The following NLK variants were observed in gnomAD, a reference collection of about 807,000 sequenced individuals.
The protein encoded by NLK is serine/threonine-protein kinase NLK.
A neutral mutation model predicts 59.0 loss-of-function variants in NLK; 11 were observed. That is an observed-to-expected ratio of 0.19 (90% CI 0.12 to 0.31). The LOEUF is 0.31. Ranked by LOEUF, NLK falls within the 10% of genes least tolerant of loss-of-function variation. The pLI, the probability that NLK is intolerant of heterozygous loss-of-function variation, is 1.00. For synonymous variants in NLK, 235 were observed against 235.9 expected (o/e 1.00, Z 0.03); for missense variants, 410 against 661.1 (o/e 0.62, Z 4.16).
At chr17:28,156,107 A>T (rs906009526) in intron 3 of NLK, among the ~76,000 whole-genome samples, 2 of 152,102 alleles carry the variant, frequency 1.3e-5, no homozygotes, top group Non-Finnish European at 2.9e-5. Context: ...TATTAAGGAA[A>T]TTTTCAAAAT....
At chr17:28,053,956 C>T (rs560328186) in intron 1 of NLK, among the ~76,000 whole-genome samples, 24 of 152,204 alleles carry the variant, frequency 1.6e-4, no homozygotes, top group Non-Finnish European at 2.8e-4. Context: ...CATTGCACAT[C>T]TAAATTAACA....
intron 7 of NLK, among the ~76,000 whole-genome samples, chr17:28,173,194 C>A (rs1175472853): frequency 6.6e-6 from 1 of 152,196 alleles, no homozygotes; most frequent in Non-Finnish European, 1.5e-5. Flanking sequence ...ACAGTTTTTA[C>A]AAGCACTTCC....
chr17:28,110,237 A>C (rs370743440), intron 1 of NLK, among the ~76,000 whole-genome samples: 2 of 152,226 alleles, frequency 1.3e-5, no homozygotes, highest in South Asian at 4.1e-4. Flanking sequence ...ATATCTTGGA[A>C]TATTTTCATT....
In NLK at chr17:28,195,471, T is replaced by A. The variant is rs1181242687; in HGVS notation, c.*835T>A. The A allele has an allele frequency of 6.6e-6, 1 of 152,488 alleles. No homozygotes were observed. The highest frequency in any genetic ancestry group is 2.4e-5 in the African/African-American group (1 of 41,418). The allele number at this position is 152,488 out of a possible 1,614,324, so 9.4% of individuals were successfully genotyped here. ...CAATATTGCTGTATAGAAAGAGAAC[T>A]AGCTTGCACATTTTAGGTCTGTGAA... On this transcript the variant is annotated 3_prime_UTR_variant, in exon 11 of 11. Coordinates refer to ENST00000407008, the MANE Select transcript of NLK (RefSeq NM_016231.5).
intron 8 of NLK, 51 bp from the exon 9 acceptor site, chr17:28,190,970 A>G: frequency 7.8e-7 from 1 of 1,289,964 alleles, no homozygotes; most frequent in East Asian, 2.3e-5. Flanking sequence ...TCCTATGTGG[A>G]CAGTCATTTT....
intron 1 of NLK, among the ~76,000 whole-genome samples, chr17:28,117,729 G>T (rs1221835082): frequency 6.6e-6 from 1 of 152,098 alleles, no homozygotes; most frequent in Non-Finnish European, 1.5e-5. Flanking sequence ...TGACAAAATG[G>T]AAAAGGATCT....
intron 3 of NLK, among the ~76,000 whole-genome samples, chr17:28,138,830 C>G (rs186203465): frequency 6.6e-6 from 1 of 152,206 alleles, no homozygotes; most frequent in Admixed American, 6.5e-5. Context: ...AGAACAGTAC[C>G]TGACATAAAG....
intron 1 of NLK, among the ~76,000 whole-genome samples, chr17:28,087,510 G>T (rs150484980): frequency 6.6e-6 from 1 of 152,078 alleles, no homozygotes; most frequent in African/African-American, 2.4e-5. Context: ...TCATTATCTC[G>T]CCAATGGGAA....
At position 28,047,550 on chromosome 17, in the gene NLK, C is replaced by A. The variant is rs111635577; in HGVS notation, c.458+4219C>A. Among the ~76,000 whole-genome samples, 246 of 152,162 alleles carry A rather than the reference C, an allele frequency of 1.6e-3. 1 individual carries two copies. Among genetic ancestry groups the A allele is most frequent in the African/African-American group, 5.6e-3 (233 of 41,530 alleles). ...TTATATACTGGGAAATTAATTTTTT[C>A]TTTTCAGAATGTAACAAATGAAAGA... On this transcript the variant is annotated intron_variant, in intron 1 of 10. Coordinates refer to ENST00000407008, the MANE Select transcript of NLK (RefSeq NM_016231.5).
intron 1 of NLK, among the ~76,000 whole-genome samples, chr17:28,107,623 T>C (rs990872804): frequency 2.6e-5 from 4 of 152,074 alleles, no homozygotes; most frequent in African/African-American, 9.7e-5. Context: ...AGAACACATA[T>C]TAAAAGGTAT....
chr17:28,050,577 T>G (rs1909216152), intron 1 of NLK, among the ~76,000 whole-genome samples: 1 of 152,060 alleles, frequency 6.6e-6, no homozygotes, highest in Non-Finnish European at 1.5e-5. Flanking sequence ...CTACTGAAAG[T>G]TTTTAAGTAA....
chr17:28,140,390 T>C (rs1457643014), intron 3 of NLK, among the ~76,000 whole-genome samples: 2 of 152,212 alleles, frequency 1.3e-5, no homozygotes, highest in Non-Finnish European at 2.9e-5. Flanking sequence ...TTAATACCAC[T>C]GAATTGCACA....
intron 1 of NLK, among the ~76,000 whole-genome samples, chr17:28,117,155 A>G (rs1210355244): frequency 6.6e-6 from 1 of 152,188 alleles, no homozygotes; most frequent in African/African-American, 2.4e-5. Flanking sequence ...TTCCTCGTAG[A>G]CATATTTAAC....
At chr17:28,063,276 T>C (rs544784095) in intron 1 of NLK, among the ~76,000 whole-genome samples, 1 of 152,350 alleles carries the variant, frequency 6.6e-6, no homozygotes, top group Non-Finnish European at 1.5e-5. Flanking sequence ...TTTCTCTTTG[T>C]TACATTGTTA....
At chr17:28,135,466 G>A (rs992389826) in intron 3 of NLK, among the ~76,000 whole-genome samples, 3 of 152,282 alleles carry the variant, frequency 2.0e-5, no homozygotes, top group African/African-American at 4.8e-5. Flanking sequence ...GGTATTCACC[G>A]TATATCATAT....
chr17:28,194,652 T>C lies in NLK; in HGVS notation c.*16T>C, dbSNP rs1421969513. 7.6e-6 allele frequency: 12 copies of C among 1,571,798 alleles called. No individual in the cohort carries two copies. In the East Asian group the frequency reaches 2.7e-4, roughly 36 times the overall value. On this transcript the variant is annotated 3_prime_UTR_variant, in exon 11 of 11. Transcript: ENST00000407008. ...GTGGGAGTGATGGTGGAAGATAATG[T>C]ACTACTGAAGATGTAATGTAGCTTT...
rs551505938 is a variant in NLK at position 28,053,873 on chromosome 17, G to A, written c.458+10542G>A. Among the ~76,000 whole-genome samples the A allele has an allele frequency of 7.2e-5, 11 of 152,200 alleles. No individual in the cohort carries two copies. The South Asian group carries it at 2.1e-3, about 29-fold the overall frequency. On this transcript the variant is annotated intron_variant, in intron 1 of 10. Transcript: ENST00000407008. ...TGTGTAAGTTAATTGAAATAAGCCAGGTGACTTTATTTCACTGTATTATCT... is the reference window on the plus strand; with the variant it reads ...TGTGTAAGTTAATTGAAATAAGCCAAGTGACTTTATTTCACTGTATTATCT...
intron 1 of NLK, among the ~76,000 whole-genome samples, chr17:28,070,168 G>A (rs1445591068): frequency 6.6e-6 from 1 of 151,658 alleles, no homozygotes; most frequent in Non-Finnish European, 1.5e-5. Flanking sequence ...TCCAGGAGGC[G>A]GAGGTTGCAG....
At chr17:28,200,703 C>T (rs1300192802), downstream of NLK, among the ~76,000 whole-genome samples, 3 of 152,164 alleles carry the variant, frequency 2.0e-5, no homozygotes, top group Admixed American at 6.5e-5. Flanking sequence ...AGGCTGGCCT[C>T]GAACTCCTGA....
Sources: gnomAD v4.1 joint callset for allele counts (sites outside exome capture counted in the v4.1 genomes callset) on GRCh38, gnomAD v4.1.1 for gene constraint, MANE v1.5 for transcripts, NCBI Gene and HGNC (gene_info 2026-07-23, HGNC 2026-07-21) for gene names.